The following DACH2 variants were observed in gnomAD, a reference collection of about 807,000 sequenced individuals.
The protein encoded by DACH2 is dachshund family transcription factor 2, also known as dachshund homolog 2.
In DACH2, 17 loss-of-function variants were observed where a neutral mutation model predicts 35.8. That is an observed-to-expected ratio of 0.48 (90% CI 0.33 to 0.71). The LOEUF (loss-of-function observed/expected upper bound fraction) is 0.71, where lower values mean the gene tolerates loss of function less well. DACH2 is among the 30% of genes least tolerant of loss of function. The pLI is 0.02. For missense variants in DACH2, 469 were observed against 472.7 expected, an observed-to-expected ratio of 0.99 and a Z score of 0.07; for synonymous variants, 195 against 177.3, an observed-to-expected ratio of 1.10 and a Z score of -0.79.
intron 7 of DACH2, among the ~76,000 whole-genome samples, chrX:86,800,148 T>G (rs2042277875): frequency 8.9e-6 from 1 of 112,570 alleles, no homozygotes; most frequent in African/African-American, 3.2e-5. Context: ...TAAAGATTTC[T>G]AATTAATTGA....
intron 4 of DACH2, among the ~76,000 whole-genome samples, chrX:86,659,167 A>T (rs762184075): frequency 2.6e-4 from 29 of 110,802 alleles, no homozygotes; most frequent in South Asian, 7.7e-4. Flanking sequence ...CCTGGTACCA[A>T]GAACTGTTTT....
intron 2 of DACH2, among the ~76,000 whole-genome samples, chrX:86,479,806 G>T (rs902083437): frequency 6.2e-5 from 7 of 112,033 alleles, no homozygotes; most frequent in Non-Finnish European, 1.3e-4. Context: ...TTCAACTCCA[G>T]ATTTTCTGCT....
At chrX:86,650,769 A>G (rs1170114951) in intron 3 of DACH2, among the ~76,000 whole-genome samples, 3 of 111,428 alleles carry the variant, frequency 2.7e-5, no homozygotes. Context: ...GAATTATAAG[A>G]ATTGAAAGTT....
chrX:86,286,955 T>C (rs2147991916), intron 1 of DACH2, among the ~76,000 whole-genome samples: 1 of 111,999 alleles, frequency 8.9e-6, no homozygotes, highest in African/African-American at 3.2e-5. Flanking sequence ...CTGTAATTAC[T>C]ATTAATATTA....
intron 3 of DACH2, among the ~76,000 whole-genome samples, chrX:86,614,008 A>C (rs750491935): frequency 8.9e-6 from 1 of 112,252 alleles, no homozygotes; most frequent in East Asian, 2.8e-4. Flanking sequence ...AAATATTAAA[A>C]GTGAACTAAC....
intron 2 of DACH2, among the ~76,000 whole-genome samples, chrX:86,379,935 A>G (rs2036021885): frequency 9.0e-6 from 1 of 110,910 alleles, no homozygotes; most frequent in Admixed American, 9.6e-5. Flanking sequence ...TAAATATACT[A>G]ATGAATGAAA....
intron 2 of DACH2, among the ~76,000 whole-genome samples, chrX:86,385,007 T>G (rs1032401457): frequency 9.0e-5 from 10 of 111,646 alleles, no homozygotes; most frequent in African/African-American, 3.2e-4. Flanking sequence ...AAACAACATT[T>G]TCTTTGGTTT....
At chrX:86,572,083 C>T (rs1464060211) in intron 3 of DACH2, among the ~76,000 whole-genome samples, 1 of 110,578 alleles carries the variant, frequency 9.0e-6, no homozygotes, top group East Asian at 2.9e-4. Flanking sequence ...TCACACACCA[C>T]GGCCTGTTGC....
intron 1 of DACH2, among the ~76,000 whole-genome samples, chrX:86,348,459 T>C (rs1287114422): frequency 1.8e-5 from 2 of 111,724 alleles, no homozygotes; most frequent in African/African-American, 3.3e-5. Flanking sequence ...TGTATAGTCA[T>C]ATGGGGTGAA....
At chrX:86,829,780 T>TATC (rs2042595892) in intron 11 of DACH2, 1 of 112,386 alleles carries the variant, frequency 8.9e-6, no homozygotes. Flanking sequence ...CATTTGTATG[T>TATC]ATCAAATTCC....
chrX:86,221,393 C>G (rs6653098), intron 1 of DACH2, among the ~76,000 whole-genome samples: 2,400 of 111,375 alleles, frequency 0.022, 57 homozygotes, highest in African/African-American at 0.072. Context: ...TAATTCTGAG[C>G]TCTCTATTCT....
intron 6 of DACH2, among the ~76,000 whole-genome samples, chrX:86,728,066 C>T (rs1444611086): frequency 2.7e-5 from 3 of 111,820 alleles, no homozygotes; most frequent in Non-Finnish European, 3.8e-5. Flanking sequence ...TGGTAGTGAC[C>T]AAAATGCTGA....
chrX:86,518,340 G>T (rs1423802950), intron 3 of DACH2, among the ~76,000 whole-genome samples: 1 of 111,577 alleles, frequency 9.0e-6, no homozygotes, highest in African/African-American at 3.3e-5. Flanking sequence ...GATGCCTCCA[G>T]CTTTGTTCTT....
At chrX:86,571,706 ATT>A (rs61304291) in intron 3 of DACH2, among the ~76,000 whole-genome samples, 3 of 107,574 alleles carry the variant, frequency 2.8e-5, no homozygotes, top group African/African-American at 1.0e-4. Flanking sequence ...GTAACGCAAG[ATT>A]TTTTTTTTAA....
intron 4 of DACH2, among the ~76,000 whole-genome samples, chrX:86,688,438 G>C (rs2040973548): frequency 8.9e-6 from 1 of 111,763 alleles, no homozygotes; most frequent in Non-Finnish European, 1.9e-5. Context: ...GAATGGAAGG[G>C]AACCCAGTGT....
intron 2 of DACH2, among the ~76,000 whole-genome samples, chrX:86,396,890 A>G (rs1277460809): frequency 9.0e-6 from 1 of 110,819 alleles, no homozygotes; most frequent in Non-Finnish European, 1.9e-5. Flanking sequence ...TTGGTTCCAT[A>G]TGAACTTTAA....
intron 4 of DACH2, among the ~76,000 whole-genome samples, chrX:86,688,007 G>A (rs775918390): frequency 1.8e-5 from 2 of 110,387 alleles, no homozygotes; most frequent in Non-Finnish European, 1.9e-5. Context: ...AAAGCTGCAC[G>A]TTCTGCACAT....
chrX:86,765,382 T>G (rs933944096), intron 7 of DACH2, among the ~76,000 whole-genome samples: 1 of 111,561 alleles, frequency 9.0e-6, no homozygotes, highest in African/African-American at 3.3e-5. Flanking sequence ...ACTTACATTT[T>G]TAATCCATAT....
intron 7 of DACH2, among the ~76,000 whole-genome samples, chrX:86,758,869 A>G (rs981715504): frequency 3.5e-5 from 4 of 112,692 alleles, no homozygotes; most frequent in African/African-American, 1.3e-4. Context: ...ACATGATACT[A>G]TATGGGGTAC....
Sources: gnomAD v4.1 joint callset for allele counts (sites outside exome capture counted in the v4.1 genomes callset) on GRCh38, gnomAD v4.1.1 for gene constraint, MANE v1.5 for transcripts, NCBI Gene and HGNC (gene_info 2026-07-23, HGNC 2026-07-21) for gene names.